The following PXDNL variants were observed in gnomAD, a reference collection of about 807,000 sequenced individuals.
PXDNL encodes probable oxidoreductase PXDNL.
A neutral mutation model predicts 150.8 loss-of-function variants in PXDNL; 145 were observed. The observed-to-expected ratio is 0.96, with a 90% CI of 0.84 to 1.10. The LOEUF (loss-of-function observed/expected upper bound fraction) is 1.10, where lower values mean the gene tolerates loss of function less well. Among genes scored for constraint, PXDNL ranks in the 50% least tolerant of loss-of-function variants. The probability of loss-of-function intolerance (pLI) is 0.00; values close to 1 mark genes in which losing one functional copy is unlikely to be tolerated. For missense variants in PXDNL, 2,087 were observed against 1,873.9 expected (o/e 1.11, Z -2.10); for synonymous variants, 757 against 725.7 (o/e 1.04, Z -0.69).
At chr8:51,531,087 G>A (rs987052903) in intron 4 of PXDNL, among the ~76,000 whole-genome samples, 8 of 152,330 alleles carry the variant, frequency 5.3e-5, no homozygotes, top group African/African-American at 1.7e-4. Flanking sequence ...AGCAGTCTGT[G>A]AGCCTCTCAT....
In PXDNL at chr8:51,600,196, G is replaced by A. The variant is rs548254026; in HGVS notation, c.237-7498C>T. Reference sequence around the variant, plus strand: ...AATTATACCTTATATAAATTATATCGTTTAGATAATAAATTATATCTCATA... The same window carrying A: ...AATTATACCTTATATAAATTATATCATTTAGATAATAAATTATATCTCATA... On this transcript the variant is annotated intron_variant, in intron 2 of 22. Transcript: ENST00000356297. 8.2e-4 allele frequency among the ~76,000 whole-genome samples: 115 copies of A among 140,390 alleles called. 2 individuals are homozygous for A. The highest frequency in any genetic ancestry group is 1.8e-3 in the African/African-American group (70 of 37,970). 92.1% of individuals were successfully genotyped at this position (140,390 alleles called of 152,430 possible). A position where few individuals can be genotyped will look rare whatever the true frequency, so the allele number is the denominator to read the frequency against.
At chr8:51,420,163 C>T (rs572917229) in intron 14 of PXDNL, among the ~76,000 whole-genome samples, 1 of 152,262 alleles carries the variant, frequency 6.6e-6, no homozygotes, top group African/African-American at 2.4e-5. Flanking sequence ...GTCATGATCA[C>T]TTACTTGTGT....
chr8:51,700,381 AC>A (rs1225466422), intron 1 of PXDNL, among the ~76,000 whole-genome samples: 12 of 151,852 alleles, frequency 7.9e-5, no homozygotes, highest in African/African-American at 2.9e-4. Context: ...ATGTATAGAC[AC>A]ATACACACAG....
At chr8:51,642,031 A>G (rs557514579) in intron 2 of PXDNL, among the ~76,000 whole-genome samples, 32 of 151,986 alleles carry the variant, frequency 2.1e-4, no homozygotes, top group Non-Finnish European at 3.8e-4. Flanking sequence ...CAGCCATAAA[A>G]AAGGATGAGT....
chr8:51,622,132 A>G (rs1055250387), intron 2 of PXDNL, among the ~76,000 whole-genome samples: 1 of 152,104 alleles, frequency 6.6e-6, no homozygotes, highest in Admixed American at 6.6e-5. Flanking sequence ...GGCTTCCAAG[A>G]TGCAGGGGCC....
intron 5 of PXDNL, among the ~76,000 whole-genome samples, chr8:51,496,559 G>A (rs1811056656): frequency 6.6e-6 from 1 of 152,174 alleles, no homozygotes; most frequent in Non-Finnish European, 1.5e-5. Flanking sequence ...ATCTTCTTAA[G>A]CTGATAGGCA....
chr8:51,792,876 A>G (rs950794770), intron 1 of PXDNL, among the ~76,000 whole-genome samples: 1 of 152,232 alleles, frequency 6.6e-6, no homozygotes, highest in Non-Finnish European at 1.5e-5. Context: ...CGTGGTCTCC[A>G]TGAATCAGCA....
At chr8:51,581,324 TAA>T (rs1813208446) in intron 3 of PXDNL, among the ~76,000 whole-genome samples, 1 of 151,842 alleles carries the variant, frequency 6.6e-6, no homozygotes, top group African/African-American at 2.4e-5. Context: ...CTATCTCTAC[TAA>T]AAATACAAAA....
intron 1 of PXDNL, among the ~76,000 whole-genome samples, chr8:51,707,753 T>C (rs1251164963): frequency 6.6e-6 from 1 of 152,216 alleles, no homozygotes; most frequent in Non-Finnish European, 1.5e-5. Context: ...AGATTCTTCA[T>C]ATGAATGGAA....
chr8:51,739,649 T>G (rs1161682917), intron 1 of PXDNL, among the ~76,000 whole-genome samples: 1 of 151,766 alleles, frequency 6.6e-6, no homozygotes, highest in Non-Finnish European at 1.5e-5. Context: ...CCGAGGCGGG[T>G]GGATCACAAG....
rs780675508 is a variant in PXDNL, at chr8:51,453,494, C to G, written c.1249+25G>C. On this transcript the variant is annotated intron_variant, in intron 10 of 22. Transcript: ENST00000356297. ...TCTGAGTGTGGCAGGAGGAACATTT[C>G]AATCATGACCTTCTGCTCCCATACC... is the stretch of plus-strand genomic sequence containing the variant. 5.0e-6 allele frequency: 8 copies of G among 1,605,938 alleles called. No individual in the cohort carries two copies. The Admixed American group carries it at 1.3e-4, about 27-fold the overall frequency.
chr8:51,515,045 C>G (rs1811505197), intron 4 of PXDNL, among the ~76,000 whole-genome samples: 1 of 152,194 alleles, frequency 6.6e-6, no homozygotes, highest in Non-Finnish European at 1.5e-5. Flanking sequence ...TAGATGCAAA[C>G]AGCAGCGTGA....
At chr8:51,410,424 G>C (rs1035200348) in intron 16 of PXDNL, among the ~76,000 whole-genome samples, 3 of 152,130 alleles carry the variant, frequency 2.0e-5, no homozygotes, top group Non-Finnish European at 4.4e-5. Context: ...CTTAATCTTG[G>C]GTATCTGGAT....
intron 17 of PXDNL, among the ~76,000 whole-genome samples, chr8:51,389,066 C>T (rs1308220766): frequency 1.3e-5 from 2 of 152,022 alleles, no homozygotes; most frequent in Non-Finnish European, 2.9e-5. Context: ...ATTCTCATTG[C>T]TGACTATCTT....
intron 2 of PXDNL, among the ~76,000 whole-genome samples, chr8:51,624,099 CAAAAAAA>C (rs59841822): frequency 3.8e-4 from 30 of 79,618 alleles, no homozygotes; most frequent in East Asian, 1.8e-3. Flanking sequence ...TCTCAAATTA[CAAAAAAA>C]AAAAAAAAAA....
chr8:51,707,027 A>G (rs1029428184), intron 1 of PXDNL, among the ~76,000 whole-genome samples: 2 of 152,220 alleles, frequency 1.3e-5, no homozygotes, highest in Non-Finnish European at 2.9e-5. Flanking sequence ...GAATCTACAT[A>G]GACGGTTTTA....
Position 51,809,325 on chromosome 8 carries a change from C to G in PXDNL, c.20G>C (p.Cys7Ser). ...GGCCAGGAGAAAGAGAGTGGTCCAG[C>G]AGAACAGTCTGGGCTCCATCGCTCC... is the stretch of plus-strand genomic sequence containing the variant. MEPRLF[C>S]WTTLFLLAGW... The change falls in exon 1 of 23, where the codon TGC (cysteine) becomes TCC (serine). Residue 7 changes from cysteine to serine, a missense_variant. Physicochemically the swap from Cys to Ser is moderately radical, Grantham distance 112 (BLOSUM62 -1). Transcript: ENST00000356297. The G allele has an allele frequency of 1.3e-6, 2 of 1,562,332 alleles. No homozygotes were observed. Among genetic ancestry groups the G allele is most frequent in the Non-Finnish European group, 1.7e-6 (2 of 1,153,456 alleles).
chr8:51,715,216 A>G (rs1335207850), intron 1 of PXDNL, among the ~76,000 whole-genome samples: 1 of 152,228 alleles, frequency 6.6e-6, no homozygotes. Flanking sequence ...ATTTCGCCAA[A>G]GAAGACATAC....
chr8:51,529,923 T>C lies in PXDNL; in HGVS notation c.380+26917A>G, dbSNP rs192762154. On this transcript the variant is annotated intron_variant, in intron 4 of 22. Transcript: ENST00000356297. ...GCATCCCTGGCCTCTACTTACAAGA[T>C]GCCTATAGCAATCCCCCTTCCCCAG... 1.0e-3 allele frequency among the ~76,000 whole-genome samples: 152 copies of C among 152,148 alleles called. 3 individuals are homozygous for C. In the East Asian group the frequency reaches 0.022, roughly 22 times the overall value.
Sources: allele counts gnomAD v4.1 joint callset (sites outside exome capture counted in the v4.1 genomes callset), GRCh38; gene constraint gnomAD v4.1.1; transcripts MANE v1.5; gene names NCBI Gene and HGNC (gene_info 2026-07-23, HGNC 2026-07-21).